The following DDX10 variants were observed in gnomAD, a reference collection of about 807,000 sequenced individuals.
DDX10 encodes the protein DEAD-box helicase 10.
DDX10 carries 74 observed loss-of-function variants against 104.3 expected under a neutral mutation model. The observed-to-expected ratio is 0.71, with a 90% confidence interval of 0.59 to 0.86. The LOEUF (loss-of-function observed/expected upper bound fraction) is 0.86, where lower values mean the gene tolerates loss of function less well. Ranked by LOEUF, DDX10 falls within the 40% of genes least tolerant of loss-of-function variation. The pLI is 0.00. For missense variants in DDX10, 952 were observed against 1,040.0 expected (o/e 0.92, Z 1.16); for synonymous variants, 351 against 353.4 (o/e 0.99, Z 0.08).
chr11:108,869,795 G>T (rs1002312205), intron 16 of DDX10, among the ~76,000 whole-genome samples: 20 of 152,024 alleles, frequency 1.3e-4, no homozygotes, highest in African/African-American at 4.8e-4. Flanking sequence ...TTTCATTATA[G>T]AAAATTATGG....
At chr11:108,794,213 T>G (rs1861909142) in intron 13 of DDX10, among the ~76,000 whole-genome samples, 3 of 152,176 alleles carry the variant, frequency 2.0e-5, no homozygotes, top group Admixed American at 6.5e-5. Context: ...GTGGGATTGC[T>G]GGATCATATG....
At chr11:108,864,228 C>T (rs112480203) in intron 16 of DDX10, among the ~76,000 whole-genome samples, 8 of 152,108 alleles carry the variant, frequency 5.3e-5, no homozygotes, top group Non-Finnish European at 1.2e-4. Context: ...GTGGTTCAAT[C>T]GCGGCTGGAA....
In DDX10 at chr11:108,916,882, C is replaced by T. The variant is rs150330384; in HGVS notation, c.2305-991C>T. Among the ~76,000 whole-genome samples, 9 of 152,164 alleles carry T rather than the reference C, an allele frequency of 5.9e-5. No homozygotes were observed. The East Asian group carries it at 1.7e-3, about 29-fold the overall frequency. The stretch of plus-strand genomic sequence containing the variant: ...AAAAATTAAAAACAAAAGAAGCCCA[C>T]TTACCTACCTGCTTGCATGAAACTG... On this transcript the variant is annotated intron_variant, in intron 16 of 17. Coordinates refer to ENST00000322536, the MANE Select transcript of DDX10 (RefSeq NM_004398.4).
At chr11:108,774,033 T>G (rs977955274) in intron 13 of DDX10, among the ~76,000 whole-genome samples, 1 of 152,210 alleles carries the variant, frequency 6.6e-6, no homozygotes, top group African/African-American at 2.4e-5. Context: ...TAGAGCAAAG[T>G]GCTCTTATGA....
chr11:108,925,192 A>G (rs969899941), intron 17 of DDX10, among the ~76,000 whole-genome samples: 2 of 152,184 alleles, frequency 1.3e-5, no homozygotes, highest in Non-Finnish European at 2.9e-5. Context: ...ACTTTTAGAG[A>G]AAGGTTGCTA....
At chr11:108,678,260 C>A in intron 4 of DDX10, 55 bp from the exon 5 acceptor site, 1 of 1,562,036 alleles carries the variant, frequency 6.4e-7, no homozygotes, top group Non-Finnish European at 8.7e-7. Context: ...AGCTTTGGTA[C>A]ACAGGCTGCT....
intron 13 of DDX10, among the ~76,000 whole-genome samples, chr11:108,769,325 G>A (rs1289415103): frequency 1.3e-5 from 2 of 150,610 alleles, no homozygotes. Flanking sequence ...TCATCTTCTA[G>A]TTCATCTCTG....
rs928754350 is a variant in DDX10, at chr11:108,899,467, A to G, written c.2305-18406A>G. ...TGCCACCTGTTTATATTTTCACATT[A>G]GAAACACTTCAAAGCATGCACAGCT... On this transcript the variant is annotated intron_variant, in intron 16 of 17. Coordinates refer to ENST00000322536, the MANE Select transcript of DDX10 (RefSeq NM_004398.4). 6.6e-5 allele frequency among the ~76,000 whole-genome samples: 10 copies of G among 152,094 alleles called. No homozygotes were observed. In the South Asian group the frequency reaches 2.1e-3, roughly 32 times the overall value.
intron 13 of DDX10, among the ~76,000 whole-genome samples, chr11:108,818,467 A>AT (rs1705453307): frequency 6.6e-6 from 1 of 152,242 alleles, no homozygotes; most frequent in South Asian, 2.1e-4. Context: ...GTTTCATAAC[A>AT]TAACTCCAGG....
chr11:108,668,931 C>G (rs1352735912), intron 1 of DDX10, among the ~76,000 whole-genome samples: 2 of 152,098 alleles, frequency 1.3e-5, no homozygotes, highest in South Asian at 4.1e-4. Flanking sequence ...AAAAAACATG[C>G]TTCTTCTGGG....
At chr11:108,838,362 G>C (rs1862585478) in intron 13 of DDX10, 84 bp from the exon 14 acceptor site, 13 of 1,423,942 alleles carry the variant, frequency 9.1e-6, no homozygotes, top group African/African-American at 1.4e-5. Context: ...ACCCAGTTTT[G>C]AGAAGTATAT....
In DDX10 at chr11:108,750,926, CTTTTTTTTTTTTTTTT is replaced by C. The variant is rs10582729; in HGVS notation, c.1965+27487_1965+27502del. ...ACATGTGCATCACCACACCTGGTTACTTTTTTTTTTTTTTTTTTTTTTTTTTTTTTTTTTTTTTAGA... is the reference window on the plus strand; with the variant it reads ...ACATGTGCATCACCACACCTGGTTACTTTTTTTTTTTTTTTTTTTTTTAGA... On this transcript the variant is annotated intron_variant, in intron 13 of 17. Transcript: ENST00000322536. Among the ~76,000 whole-genome samples the C allele has an allele frequency of 5.2e-3, 126 of 24,264 alleles. 1 individual carries two copies. The highest frequency in any genetic ancestry group is 0.018 in the East Asian group (9 of 500). The allele number at this position is 24,264 out of a possible 152,430, so 15.9% of individuals were successfully genotyped here. A position where few individuals can be genotyped will look rare whatever the true frequency, so the allele number is the denominator to read the frequency against.
chr11:108,724,760 A>C (rs2094303048), intron 13 of DDX10, among the ~76,000 whole-genome samples: 1 of 152,132 alleles, frequency 6.6e-6, no homozygotes, highest in Non-Finnish European at 1.5e-5. Flanking sequence ...TGAATTGTTC[A>C]CGTAAGTAGG....
At chr11:108,745,791 G>A (rs1381978689) in intron 13 of DDX10, among the ~76,000 whole-genome samples, 1 of 152,132 alleles carries the variant, frequency 6.6e-6, no homozygotes, top group Non-Finnish European at 1.5e-5. Flanking sequence ...AGATATTGAA[G>A]TCTTCTAGAC....
intron 9 of DDX10, among the ~76,000 whole-genome samples, chr11:108,703,965 C>G (rs2094272249): frequency 6.6e-6 from 1 of 151,986 alleles, no homozygotes; most frequent in African/African-American, 2.4e-5. Flanking sequence ...TTTCCATTTT[C>G]CATTGGGAGT....
At chr11:108,909,726 ACT>A (rs754928240) in intron 16 of DDX10, among the ~76,000 whole-genome samples, 1 of 152,024 alleles carries the variant, frequency 6.6e-6, no homozygotes, top group Non-Finnish European at 1.5e-5. Flanking sequence ...GTGTTAAGAC[ACT>A]CTGCATGGTT....
At chr11:108,790,763 G>GTT (rs1160887592) in intron 13 of DDX10, among the ~76,000 whole-genome samples, 2 of 143,442 alleles carry the variant, frequency 1.4e-5, no homozygotes, top group African/African-American at 5.1e-5. Context: ...CTCTCTTTTT[G>GTT]TTTTTTTTTT....
chr11:108,879,191 C>T (rs779602917), intron 16 of DDX10, among the ~76,000 whole-genome samples: 10 of 151,904 alleles, frequency 6.6e-5, no homozygotes, highest in South Asian at 2.1e-4. Context: ...TAGTAGAGAC[C>T]GGGTTTCACC....
intron 10 of DDX10, among the ~76,000 whole-genome samples, chr11:108,710,828 CACTAGGTGATAGA>C: frequency 6.6e-6 from 1 of 152,316 alleles, no homozygotes; most frequent in African/African-American, 2.4e-5. Context: ...GCTGCGACAT[CACTAGGTGATAGA>C]AATTTTTCAG....
Sources: gnomAD v4.1 joint callset for allele counts (sites outside exome capture counted in the v4.1 genomes callset) on GRCh38, gnomAD v4.1.1 for gene constraint, MANE v1.5 for transcripts, NCBI Gene and HGNC (gene_info 2026-07-23, HGNC 2026-07-21) for gene names.